The following B3GAT3 variants were observed in gnomAD, a reference collection of about 807,000 sequenced individuals.
B3GAT3 encodes the protein beta-1,3-glucuronyltransferase 3, also known as galactosylgalactosylxylosylprotein 3-beta-glucuronosyltransferase 3.
A neutral mutation model predicts 33.1 loss-of-function variants in B3GAT3; 19 were observed. The observed-to-expected ratio is 0.57, with a 90% confidence interval of 0.40 to 0.84. B3GAT3 has a LOEUF of 0.84. Among genes scored for constraint, B3GAT3 ranks in the 40% least tolerant of loss-of-function variants. The probability of loss-of-function intolerance (pLI) is 0.00; values close to 1 mark genes in which losing one functional copy is unlikely to be tolerated. For synonymous variants in B3GAT3, 167 were observed against 193.5 expected, an observed-to-expected ratio of 0.86 and a Z score of 1.14; for missense variants, 344 against 441.5, an observed-to-expected ratio of 0.78 and a Z score of 1.98.
Position 62,621,169 on chromosome 11 carries a change from G to A in B3GAT3, c.83-498C>T, listed in dbSNP as rs116172158. 1,899 of 456,918 alleles carry A rather than the reference G, an allele frequency of 4.2e-3. 22 individuals carry two copies. Among genetic ancestry groups the A allele is most frequent in the African/African-American group, 0.032 (1,587 of 50,208 alleles). The allele number at this position is 456,918 out of a possible 1,614,324, so 28.3% of individuals were successfully genotyped here. Reference sequence around the variant, plus strand: ...TGTTAAATTCATTGATTCCATCGTAGGATAAATATTTATTGAATACTCTTC... The same window carrying A: ...TGTTAAATTCATTGATTCCATCGTAAGATAAATATTTATTGAATACTCTTC... On this transcript the variant is annotated intron_variant, in intron 1 of 4. Transcript: ENST00000265471.
intron 2 of B3GAT3, among the ~76,000 whole-genome samples, chr11:62,619,142 C>T (rs535149776): frequency 6.6e-6 from 1 of 150,706 alleles, no homozygotes; most frequent in Non-Finnish European, 1.5e-5. Flanking sequence ...CAGAGCAAGA[C>T]TCCATCTCGG....
Position 62,615,493 on chromosome 11 carries a change from G to T in B3GAT3, c.*208C>A. The stretch of plus-strand genomic sequence containing the variant: ...AGGGCCAACCTGACTCAACACAAGG[G>T]CTGCTTGTCCCCAGCCTGTGGGCAG... On this transcript the variant is annotated 3_prime_UTR_variant, in exon 5 of 5. Transcript: ENST00000265471. 2 of 913,382 alleles carry T rather than the reference G, an allele frequency of 2.2e-6. No homozygotes were observed. 56.6% of individuals were successfully genotyped at this position (913,382 alleles called of 1,614,324 possible).
At chr11:62,618,781 A>G (rs182170624) in intron 2 of B3GAT3, among the ~76,000 whole-genome samples, 43 of 152,100 alleles carry the variant, frequency 2.8e-4, no homozygotes, top group Admixed American at 7.9e-4. Flanking sequence ...CAGGAGTTCC[A>G]GACCAGCCTG....
chr11:62,616,613 T>C lies in B3GAT3; in HGVS notation c.802A>G (p.Asn268Asp). 1 of 1,614,162 alleles carries C rather than the reference T, an allele frequency of 6.2e-7. No homozygotes were observed. Among genetic ancestry groups the C allele is most frequent in the South Asian group, 1.1e-5 (1 of 91,076 alleles). Residue 268 changes from asparagine (N) to aspartate (D), a missense_variant, in exon 4 of 5, where the codon AAT becomes GAT. Coordinates refer to ENST00000265471, the MANE Select transcript of B3GAT3 (RefSeq NM_012200.4). ...GGAGCGGTGGAATCAAATTGGGCATTGGGCTTATCTAACAGCAAGGGCAGG... is the reference window on the plus strand; with the variant it reads ...GGAGCGGTGGAATCAAATTGGGCATCGGGCTTATCTAACAGCAAGGGCAGG... Reference protein sequence around the residue: ...VALPLLLDKPNAQFDSTAPRG... With the variant: ...VALPLLLDKPDAQFDSTAPRG...
intron 4 of B3GAT3, chr11:62,616,211 T>C (rs1446545306): frequency 2.6e-5 from 14 of 546,238 alleles, no homozygotes; most frequent in African/African-American, 3.9e-5. Context: ...GCTACTGCAC[T>C]CCAGCCTGGG....
At chr11:62,617,479 C>T (rs2134431322) in intron 2 of B3GAT3, 132 bp from the exon 3 acceptor site, 4 of 1,250,050 alleles carry the variant, frequency 3.2e-6, no homozygotes, top group Non-Finnish European at 4.5e-6. Context: ...TAAACTCCCT[C>T]TTTCTTGCCT....
chr11:62,616,397 C>T (rs1216314012), intron 4 of B3GAT3, 109 bp downstream of exon 4: 2 of 1,482,100 alleles, frequency 1.3e-6, no homozygotes, highest in East Asian at 4.5e-5. Flanking sequence ...GATCAGAGAT[C>T]TGGAGAGTCC....
At chr11:62,621,013 C>T (rs1237696827) in intron 1 of B3GAT3, 1 of 518,460 alleles carries the variant, frequency 1.9e-6, no homozygotes, top group South Asian at 1.5e-5. Flanking sequence ...TGCCAACTAA[C>T]CATTACACTA....
chr11:62,616,963 G>C (rs755876070), intron 3 of B3GAT3, 24 bp downstream of exon 3: 27 of 1,613,964 alleles, frequency 1.7e-5, no homozygotes, highest in Non-Finnish European at 2.1e-5. Flanking sequence ...CTGGTCTCTT[G>C]CCCATCCCCA....
At chr11:62,617,486 G>T in intron 2 of B3GAT3, 139 bp from the exon 3 acceptor site, 1 of 1,182,992 alleles carries the variant, frequency 8.5e-7, no homozygotes, top group Non-Finnish European at 1.2e-6. Flanking sequence ...CCTCTTTCTT[G>T]CCTGTCAACT....
rs770716485 is a variant in B3GAT3, at chr11:62,616,721, G to C, written c.694C>G (p.Gln232Glu). The change falls in exon 4 of 5, where the codon CAG becomes GAG. Residue 232 changes from glutamine (Q) to glutamate (E), a missense_variant. Physicochemically the swap from Gln to Glu is conservative, Grantham distance 29. Transcript: ENST00000265471. ...GGLRFEGPQV[Q>E]DGRVVGFHTA... is the part of the protein sequence containing the mutation. ...TGGAAGCCCACTACCCGGCCGTCCT[G>C]TACCTGAGGGCCCTCGAATCGCAGG... 10 of 1,613,984 alleles carry C rather than the reference G, an allele frequency of 6.2e-6. No individual in the cohort carries two copies. The highest frequency in any genetic ancestry group is 8.5e-6 in the Non-Finnish European group (10 of 1,179,992).
chr11:62,617,380 G>C (rs749060139), intron 2 of B3GAT3, 33 bp from the exon 3 acceptor site: 2 of 1,607,060 alleles, frequency 1.2e-6, no homozygotes, highest in Non-Finnish European at 8.5e-7. Context: ...AAGGAAAAGG[G>C]GCAGGCACCA....
Position 62,621,861 on chromosome 11 carries a change from C to T in B3GAT3, c.82+5G>A. On this transcript the variant is annotated splice_donor_5th_base_variant and intron_variant, in intron 1 of 4. Transcript: ENST00000265471. Reference sequence around the variant, plus strand: ...CCCGCCGCACCCCCGCCCCGCCCCGCTCACCGAGCTGTACCAGCGCGTAGA... The same window carrying T: ...CCCGCCGCACCCCCGCCCCGCCCCGTTCACCGAGCTGTACCAGCGCGTAGA... 6.2e-7 allele frequency: 1 copy of T among 1,610,950 alleles called. No individual in the cohort carries two copies. The highest frequency in any genetic ancestry group is 8.5e-7 in the Non-Finnish European group (1 of 1,178,674).
chr11:62,620,316 C>T (rs1943120964), intron 2 of B3GAT3, among the ~76,000 whole-genome samples, 181 bp downstream of exon 2: 1 of 152,270 alleles, frequency 6.6e-6, no homozygotes, highest in Non-Finnish European at 1.5e-5. Flanking sequence ...AGCCACCACA[C>T]CCAGCCTGAA....
intron 2 of B3GAT3, 82 bp downstream of exon 2, chr11:62,620,415 G>T: frequency 7.6e-7 from 1 of 1,320,240 alleles, no homozygotes; most frequent in Non-Finnish European, 1.1e-6. Context: ...ACAACTCCTA[G>T]CCCAGTGCCT....
chr11:62,617,240 G>A lies in B3GAT3; in HGVS notation c.365C>T (p.Ser122Leu), dbSNP rs1943051212. ...EDAEGPTPLV[S>L]GLLAASGLLF... ...GAGGCCAGAGGCAGCCAGCAGCCCT[G>A]AGACCAGCGGGGTGGGACCCTCAGC... Residue 122 changes from serine to leucine, a missense_variant, in exon 3 of 5, where the codon TCA (serine) becomes TTA (leucine). Transcript: ENST00000265471. 1.2e-6 allele frequency: 2 copies of A among 1,613,372 alleles called. No homozygotes were observed. Among genetic ancestry groups the A allele is most frequent in the Non-Finnish European group, 1.7e-6 (2 of 1,179,852 alleles).
intron 2 of B3GAT3, among the ~76,000 whole-genome samples, chr11:62,617,710 A>C (rs1008670029): frequency 2.0e-5 from 3 of 151,898 alleles, no homozygotes; most frequent in African/African-American, 7.3e-5. Flanking sequence ...CCCCATCTCT[A>C]CTAAAAAAAT....
At chr11:62,617,455 T>A in intron 2 of B3GAT3, 108 bp from the exon 3 acceptor site, 1 of 1,457,772 alleles carries the variant, frequency 6.9e-7, no homozygotes, top group African/African-American at 1.4e-5. Flanking sequence ...CTGTGGCCCT[T>A]CCCAACCAAT....
In B3GAT3 at chr11:62,616,976, C is replaced by T. The variant is rs1943042173; in HGVS notation, c.618+11G>A. 1.2e-6 allele frequency: 2 copies of T among 1,614,110 alleles called. No homozygotes were observed. Among genetic ancestry groups the T allele is most frequent in the Admixed American group, 3.3e-5 (2 of 60,006 alleles). ...ACCTGGTCTCTTGCCCATCCCCATC[C>T]TGGTGCTCACCTCCTCAAACAGCTC... On this transcript the variant is annotated intron_variant, in intron 3 of 4. Coordinates refer to ENST00000265471, the MANE Select transcript of B3GAT3 (RefSeq NM_012200.4).
Sources: allele counts gnomAD v4.1 joint callset (sites outside exome capture counted in the v4.1 genomes callset), GRCh38; gene constraint gnomAD v4.1.1; transcripts MANE v1.5; gene names NCBI Gene and HGNC (gene_info 2026-07-23, HGNC 2026-07-21).